IZUMO1: variants seen among roughly 807,000 people sequenced by gnomAD.
IZUMO1 encodes izumo sperm-egg fusion protein 1.
IZUMO1 carries 44 observed loss-of-function variants against 40.7 expected under a neutral mutation model. The observed-to-expected ratio is 1.08, with a 90% CI of 0.85 to 1.39. The LOEUF is 1.39. IZUMO1 is among the 40% of genes most tolerant of loss of function. IZUMO1 has a pLI of 0.00. For missense variants in IZUMO1, 368 were observed against 436.9 expected (o/e 0.84, Z 1.41); for synonymous variants, 149 against 170.9 (o/e 0.87, Z 1.00).
intron 5 of IZUMO1, 94 bp from the exon 6 acceptor site, chr19:48,743,619 AC>A: frequency 2.1e-6 from 2 of 933,642 alleles, no homozygotes; most frequent in Non-Finnish European, 3.5e-6. Flanking sequence ...ATCATCTATG[AC>A]ATTCCTAGAT....
intron 1 of IZUMO1, 139 bp from the exon 2 acceptor site, chr19:48,746,071 A>T: frequency 3.4e-5 from 48 of 1,410,904 alleles, no homozygotes; most frequent in Non-Finnish European, 4.4e-5. Context: ...ATGCCTCCGA[A>T]GTGTGAAACT....
Position 48,746,425 on chromosome 19 carries a change from A to C in IZUMO1, c.-74+10T>G. 1.0e-6 allele frequency: 1 copy of C among 991,526 alleles called. No individual in the cohort carries two copies. The highest frequency in any genetic ancestry group is 1.2e-6 in the Non-Finnish European group (1 of 833,158). The allele number at this position is 991,526 out of a possible 1,614,324, so 61.4% of individuals were successfully genotyped here. On this transcript the variant is annotated intron_variant, in intron 1 of 9. Transcript: ENST00000332955. The stretch of plus-strand genomic sequence containing the variant: ...CAAACTCGGAACTCCTTCAAAACCA[A>C]AACACATACCAGATTCCTAGAACTG...
intron 6 of IZUMO1, 152 bp from the exon 7 acceptor site, chr19:48,742,461 C>T (rs2033735654): frequency 4.8e-6 from 3 of 623,784 alleles, no homozygotes; most frequent in African/African-American, 1.8e-5. Context: ...GATTCTCTTG[C>T]CTCAGCCTCC....
In IZUMO1 at chr19:48,746,538, C is replaced by T. The variant is rs8102032; in HGVS notation, c.-177G>A. ...CACCCTTCCCCAAAACTAACGGGCTCCCAATTTGCAGGGCGCACCCTTCCG... is the reference window on the plus strand; with the variant it reads ...CACCCTTCCCCAAAACTAACGGGCTTCCAATTTGCAGGGCGCACCCTTCCG... On this transcript the variant is annotated 5_prime_UTR_variant, in exon 1 of 10. Transcript: ENST00000332955. The T allele has an allele frequency of 0.43, 422,937 of 985,568 alleles. 92,482 individuals carry two copies. Among genetic ancestry groups the T allele is most frequent in the East Asian group, 0.84 (7,508 of 8,918 alleles). 61.1% of individuals were successfully genotyped at this position (985,568 alleles called of 1,614,324 possible). A position where few individuals can be genotyped will look rare whatever the true frequency, so the allele number is the denominator to read the frequency against.
chr19:48,745,909 C>T lies in IZUMO1; in HGVS notation c.-50G>A. 1 of 1,606,708 alleles carries T rather than the reference C, an allele frequency of 6.2e-7. No homozygotes were observed. The highest frequency in any genetic ancestry group is 8.5e-7 in the Non-Finnish European group (1 of 1,174,668). ...AAGACCGTTAGGAAGGGTGCTCTCA[C>T]CCCAAACCGAGAGCAGGAGAACGCT... On this transcript the variant is annotated 5_prime_UTR_variant, in exon 2 of 10. It adds an upstream start codon to the 5' untranslated region. Transcript: ENST00000332955.
Position 48,741,047 on chromosome 19 carries a change from T to C in IZUMO1, c.933-19A>G. 1 of 1,613,154 alleles carries C rather than the reference T, an allele frequency of 6.2e-7. No homozygotes were observed. The highest frequency in any genetic ancestry group is 8.5e-7 in the Non-Finnish European group (1 of 1,179,846). ...AAATATCCTAGGGGTGGGAGTGGGG[T>C]GCAGATCATGGAACCGGTTTGGGTA... On this transcript the variant is annotated intron_variant, in intron 9 of 9. Transcript: ENST00000332955. This position sits in a 1 kb window ranked among gnomAD's most constrained non-coding sequence, Gnocchi z 4.4.
At chr19:48,745,191 T>TC (rs776696403) in intron 3 of IZUMO1, 23 bp downstream of exon 3, 1 of 1,601,428 alleles carries the variant, frequency 6.2e-7, no homozygotes, top group African/African-American at 1.3e-5. Context: ...GATTCGGGAC[T>TC]CCCACCCCCT....
intron 5 of IZUMO1, chr19:48,743,768 G>T (rs562512288): frequency 5.5e-6 from 3 of 541,608 alleles, no homozygotes; most frequent in East Asian, 6.5e-5. Flanking sequence ...CGAGGCGGGC[G>T]GATCACAAGG....
At position 48,741,216 on chromosome 19, in the gene IZUMO1, C is replaced by T; in HGVS notation, c.932+85G>A. ...AAGTCCTGCTCTCAGGCCTCAGTAG[C>T]CCCCAGACCAGCTTCTGTGTTGGGT... On this transcript the variant is annotated intron_variant, in intron 9 of 9. Transcript: ENST00000332955. The surrounding 1 kb of genome is among the most constrained non-coding windows in gnomAD (Gnocchi z 4.4). The T allele has an allele frequency of 1.4e-6, 2 of 1,455,562 alleles. No individual in the cohort carries two copies. Among genetic ancestry groups the T allele is most frequent in the South Asian group, 1.3e-5 (1 of 75,508 alleles). The allele number at this position is 1,455,562 out of a possible 1,614,324, so 90.2% of individuals were successfully genotyped here.
At position 48,741,816 on chromosome 19, in the gene IZUMO1, C is replaced by T. The variant is rs778088208; in HGVS notation, c.727G>A (p.Ala243Thr). ...GTGACGTGAAAATTGATGATCGTGG[C>T]TGGGCTGGAATTCACAGAGCCCAGC... ...CELGSVNSSPATIINFHVTVL... is the reference protein window; with the variant it reads ...CELGSVNSSPTTIINFHVTVL... Residue 243 changes from alanine to threonine, a missense_variant, in exon 8 of 10, where the codon GCC (alanine) becomes ACC (threonine). Transcript: ENST00000332955. This position sits in a 1 kb window ranked among gnomAD's most constrained non-coding sequence, Gnocchi z 4.4. 45 of 1,598,688 alleles carry T rather than the reference C, an allele frequency of 2.8e-5. 1 individual carries two copies. In the South Asian group the frequency reaches 4.9e-4, roughly 17 times the overall value.
At chr19:48,745,314 T>C in intron 2 of IZUMO1, 26 bp from the exon 3 acceptor site, 1 of 1,598,524 alleles carries the variant, frequency 6.3e-7, no homozygotes, top group Non-Finnish European at 8.6e-7. Context: ...TAACCCCAGA[T>C]TCCAGCCTTA....
In IZUMO1 at chr19:48,746,890, AATTCCTTTATAGAT is replaced by A; in HGVS notation, c.-543_-530del. ...TCCGAGCTTCTCACGTAGGGGCCCGAATTCCTTTATAGATATTCCTTGGGGTTTTCCTCGGCCCC... is the reference window on the plus strand; with the variant it reads ...TCCGAGCTTCTCACGTAGGGGCCCGAATTCCTTGGGGTTTTCCTCGGCCCC... On this transcript the variant is annotated 5_prime_UTR_variant, in exon 1 of 10. Coordinates refer to ENST00000332955, the MANE Select transcript of IZUMO1 (RefSeq NM_182575.3). 1 of 985,310 alleles carries A rather than the reference AATTCCTTTATAGAT, an allele frequency of 1.0e-6. No homozygotes were observed. Among genetic ancestry groups the A allele is most frequent in the South Asian group, 4.7e-5 (1 of 21,252 alleles). 61.0% of individuals were successfully genotyped at this position (985,310 alleles called of 1,614,324 possible).
rs2033696798 is a variant in IZUMO1, at chr19:48,741,644, GCCCCCGGCAGGAAGCCACA to G, written c.754+126_754+144del. On this transcript the variant is annotated intron_variant, in intron 8 of 9. Transcript: ENST00000332955. This position sits in a 1 kb window ranked among gnomAD's most constrained non-coding sequence, Gnocchi z 4.4. ...CCCTGTCCTCGGGGCCAGAGGCCAC[GCCCCCGGCAGGAAGCCACA>G]CCCCGTGCCCCGAAACCACACCCAA... The G allele has an allele frequency of 7.9e-7, 1 of 1,269,100 alleles. No individual in the cohort carries two copies. The highest frequency in any genetic ancestry group is 2.4e-4 in the Middle Eastern group (1 of 4,168). 78.6% of individuals were successfully genotyped at this position (1,269,100 alleles called of 1,614,324 possible). A position where few individuals can be genotyped will look rare whatever the true frequency, so the allele number is the denominator to read the frequency against.
At position 48,741,109 on chromosome 19, in the gene IZUMO1, T is replaced by C; in HGVS notation, c.933-81A>G. On this transcript the variant is annotated intron_variant, in intron 9 of 9. Transcript: ENST00000332955. This position sits in a 1 kb window ranked among gnomAD's most constrained non-coding sequence, Gnocchi z 4.4. ...GGGGACACCCCTCCCAACCTCCCCC[T>C]TTGTGACCTTATTCTAGCAATTACC... 6.3e-7 allele frequency: 1 copy of C among 1,582,860 alleles called. No homozygotes were observed. The highest frequency in any genetic ancestry group is 1.3e-5 in the African/African-American group (1 of 74,258).
chr19:48,745,208 A>C lies in IZUMO1; in HGVS notation c.310+6T>G. 1 of 1,612,608 alleles carries C rather than the reference A, an allele frequency of 6.2e-7. No individual in the cohort carries two copies. The highest frequency in any genetic ancestry group is 2.2e-5 in the East Asian group (1 of 44,864). Reference sequence around the variant, plus strand: ...TTCGGGACTCCCACCCCCTTGATGCATTTACCTTTTACATCACTGTCTGTG... The same window carrying C: ...TTCGGGACTCCCACCCCCTTGATGCCTTTACCTTTTACATCACTGTCTGTG... On this transcript the variant is annotated splice_donor_region_variant and intron_variant, in intron 3 of 9. Coordinates refer to ENST00000332955, the MANE Select transcript of IZUMO1 (RefSeq NM_182575.3).
chr19:48,741,226 A>T lies in IZUMO1; in HGVS notation c.932+75T>A, dbSNP rs2033677606. On this transcript the variant is annotated intron_variant, in intron 9 of 9. Coordinates refer to ENST00000332955, the MANE Select transcript of IZUMO1 (RefSeq NM_182575.3). The surrounding 1 kb of genome is among the most constrained non-coding windows in gnomAD (Gnocchi z 4.4). Reference sequence around the variant, plus strand: ...CTCAGGCCTCAGTAGCCCCCAGACCAGCTTCTGTGTTGGGTTCCTGGAAGC... The same window carrying T: ...CTCAGGCCTCAGTAGCCCCCAGACCTGCTTCTGTGTTGGGTTCCTGGAAGC... 1 of 1,475,550 alleles carries T rather than the reference A, an allele frequency of 6.8e-7. No homozygotes were observed. The highest frequency in any genetic ancestry group is 1.4e-5 in the African/African-American group (1 of 71,626). 91.4% of individuals were successfully genotyped at this position (1,475,550 alleles called of 1,614,324 possible). A position where few individuals can be genotyped will look rare whatever the true frequency, so the allele number is the denominator to read the frequency against.
At position 48,745,938 on chromosome 19, in the gene IZUMO1, C is replaced by T. The variant is rs2033872375; in HGVS notation, c.-73-6G>A. ...AAACCGAGAGCAGGAGAACGCTAAA[C>T]GGAGAAAAGCCAAAATCCATCTTAA... On this transcript the variant is annotated splice_region_variant and splice_polypyrimidine_tract_variant and intron_variant, in intron 1 of 9. Coordinates refer to ENST00000332955, the MANE Select transcript of IZUMO1 (RefSeq NM_182575.3). 7.6e-6 allele frequency: 12 copies of T among 1,578,748 alleles called. No individual in the cohort carries two copies. The highest frequency in any genetic ancestry group is 6.8e-5 in the African/African-American group (5 of 73,810).
intron 3 of IZUMO1, 94 bp downstream of exon 3, chr19:48,745,120 G>T (rs2033840381): frequency 9.7e-6 from 10 of 1,034,666 alleles, no homozygotes; most frequent in Admixed American, 1.8e-5. Flanking sequence ...TAGGCGGTCT[G>T]GGTCCACAGC....
At chr19:48,744,116 TG>T (rs2033806069) in intron 5 of IZUMO1, 58 bp downstream of exon 5, 2 of 1,491,590 alleles carry the variant, frequency 1.3e-6, no homozygotes, top group Admixed American at 3.4e-5. Context: ...AAAAGGCGAG[TG>T]GGGAGGTTGA....
Sources: allele counts gnomAD v4.1 joint callset, GRCh38; gene constraint gnomAD v4.1.1; non-coding constraint Gnocchi (gnomAD v3.1); transcripts MANE v1.5; gene names NCBI Gene and HGNC (gene_info 2026-07-23, HGNC 2026-07-21).